DAB1: variants seen among roughly 807,000 people sequenced by gnomAD.
The protein encoded by DAB1 is disabled homolog 1.
A neutral mutation model predicts 64.6 loss-of-function variants in DAB1; 15 were observed. The ratio of observed to expected loss-of-function variants is 0.23; its 90% confidence interval spans 0.16 to 0.36. The LOEUF (loss-of-function observed/expected upper bound fraction) is 0.36. Among genes scored for constraint, DAB1 ranks in the 10% least tolerant of loss-of-function variants. The probability of loss-of-function intolerance (pLI) is 1.00; values close to 1 mark genes in which losing one functional copy is unlikely to be tolerated. For synonymous variants in DAB1, 235 were observed against 251.9 expected, an observed-to-expected ratio of 0.93 and a Z score of 0.64; for missense variants, 596 against 706.7, an observed-to-expected ratio of 0.84 and a Z score of 1.78.
intron 6 of DAB1, among the ~76,000 whole-genome samples, chr1:57,806,325 T>C (rs1219104896): frequency 6.6e-6 from 1 of 152,110 alleles, no homozygotes; most frequent in Non-Finnish European, 1.5e-5. Flanking sequence ...ATTACAGAGG[T>C]AATCAAGTTA....
intron 4 of DAB1, among the ~76,000 whole-genome samples, chr1:58,332,084 T>A (rs781183094): frequency 2.6e-5 from 4 of 152,222 alleles, no homozygotes; most frequent in Non-Finnish European, 5.9e-5. Flanking sequence ...GACTCCTGCA[T>A]CACCCTTCCT....
intron 1 of DAB1, among the ~76,000 whole-genome samples, chr1:57,321,709 T>G (rs988963880): frequency 2.0e-5 from 3 of 152,120 alleles, no homozygotes; most frequent in Non-Finnish European, 4.4e-5. Context: ...ATGGGAGTAA[T>G]AGCTCTCACT....
chr1:57,990,421 C>T (rs1646315375), intron 5 of DAB1, among the ~76,000 whole-genome samples: 1 of 152,206 alleles, frequency 6.6e-6, no homozygotes, highest in African/African-American at 2.4e-5. Flanking sequence ...TACCAACATC[C>T]ATTTGTTAGT....
At chr1:58,314,390 T>G (rs1662505754) in intron 4 of DAB1, among the ~76,000 whole-genome samples, 1 of 152,190 alleles carries the variant, frequency 6.6e-6, no homozygotes, top group Non-Finnish European at 1.5e-5. Context: ...TGCATCTGGC[T>G]TTAGGTACTG....
intron 6 of DAB1, among the ~76,000 whole-genome samples, chr1:57,808,081 G>T (rs1186072459): frequency 6.6e-6 from 1 of 152,062 alleles, no homozygotes; most frequent in African/African-American, 2.4e-5. Flanking sequence ...TCAACTATGT[G>T]GTGACCAGTG....
chr1:57,597,308 A>G (rs1378168981), intron 7 of DAB1, among the ~76,000 whole-genome samples: 4 of 152,218 alleles, frequency 2.6e-5, no homozygotes, highest in African/African-American at 9.6e-5. Flanking sequence ...AATCTCTTGC[A>G]GAAAAATGGG....
rs1645675881 is a variant in DAB1, at chr1:56,997,563, G to A, written c.*581C>T. The stretch of plus-strand genomic sequence containing the variant: ...TGTACACCTATTAATTTTCAAACAT[G>A]ACAAAAAAAGGAAAGGGGGGAAAAT... On this transcript the variant is annotated 3_prime_UTR_variant, in exon 15 of 15. Transcript: ENST00000371236. 1 of 151,866 alleles carries A rather than the reference G, an allele frequency of 6.6e-6. No homozygotes were observed. The highest frequency in any genetic ancestry group is 1.5e-5 in the Non-Finnish European group (1 of 67,956). 9.4% of individuals were successfully genotyped at this position (151,866 alleles called of 1,614,324 possible). A position where few individuals can be genotyped will look rare whatever the true frequency, so the allele number is the denominator to read the frequency against.
chr1:57,795,702 T>G (rs1488937816), intron 6 of DAB1, among the ~76,000 whole-genome samples: 5 of 85,862 alleles, frequency 5.8e-5, no homozygotes, highest in African/African-American at 5.5e-5. Flanking sequence ...TATATATATA[T>G]ATATATATAT....
chr1:58,228,543 G>T (rs1004811626), intron 4 of DAB1: 2 of 403,198 alleles, frequency 5.0e-6, no homozygotes, highest in Non-Finnish European at 9.5e-6. Context: ...GTCCATTATC[G>T]TGTGTGGATA....
chr1:57,569,261 A>AAAAAAAAAAAAC (rs1645164262), intron 7 of DAB1, among the ~76,000 whole-genome samples: 3 of 148,988 alleles, frequency 2.0e-5, no homozygotes, highest in African/African-American at 7.4e-5. Flanking sequence ...CGTCTCAAAA[A>AAAAAAAAAAAAC]AAAAAAAAAA....
chr1:58,120,825 G>C (rs1652691584), intron 5 of DAB1, among the ~76,000 whole-genome samples: 2 of 152,136 alleles, frequency 1.3e-5, no homozygotes, highest in African/African-American at 4.8e-5. Flanking sequence ...AATGGAAGAG[G>C]GTACTTTTCA....
rs560911114 is a variant in DAB1, at chr1:57,214,927, A to G, written c.68-69498T>C. Among the ~76,000 whole-genome samples the G allele has an allele frequency of 2.9e-4, 43 of 148,736 alleles. 1 individual carries two copies. Among genetic ancestry groups the G allele is most frequent in the South Asian group, 1.1e-3 (5 of 4,750 alleles). ...TTCCCTCTCAAAAAAAAAAAAAAAA[A>G]AAAGAAAGAAAAAAGGCAAGAAAAA... On this transcript the variant is annotated intron_variant, in intron 2 of 14. Coordinates refer to ENST00000371236, the MANE Select transcript of DAB1 (RefSeq NM_001365792.1).
intron 5 of DAB1, among the ~76,000 whole-genome samples, chr1:58,089,955 A>C (rs1231361181): frequency 6.6e-6 from 1 of 152,222 alleles, no homozygotes; most frequent in East Asian, 1.9e-4. Context: ...TGGAGAAACA[A>C]TTACCTAGAC....
At chr1:57,150,509 T>C (rs1382049721) in intron 2 of DAB1, among the ~76,000 whole-genome samples, 2 of 152,192 alleles carry the variant, frequency 1.3e-5, no homozygotes, top group Non-Finnish European at 2.9e-5. Flanking sequence ...GCAAAAAGTG[T>C]CCTTTCTCCT....
At chr1:57,022,819 C>T (rs1167412654) in intron 11 of DAB1, among the ~76,000 whole-genome samples, 3 of 152,258 alleles carry the variant, frequency 2.0e-5, no homozygotes, top group Non-Finnish European at 2.9e-5. Context: ...CAGAACTAAA[C>T]TACCTTTGGC....
intron 5 of DAB1, among the ~76,000 whole-genome samples, chr1:58,016,814 T>C (rs1646746972): frequency 6.6e-6 from 1 of 152,156 alleles, no homozygotes; most frequent in Non-Finnish European, 1.5e-5. Flanking sequence ...CAATGAACAA[T>C]GCAGATGCAG....
At chr1:57,166,320 G>C (rs943087475) in intron 2 of DAB1, among the ~76,000 whole-genome samples, 1 of 152,116 alleles carries the variant, frequency 6.6e-6, no homozygotes, top group Non-Finnish European at 1.5e-5. Flanking sequence ...ACTAGACCAT[G>C]TCTTGCAAAG....
intron 7 of DAB1, among the ~76,000 whole-genome samples, chr1:57,558,285 C>T (rs1001290983): frequency 1.3e-5 from 2 of 152,140 alleles, no homozygotes; most frequent in African/African-American, 2.4e-5. Context: ...CCTGTGTTGC[C>T]TGAGGCAACA....
intron 4 of DAB1, among the ~76,000 whole-genome samples, chr1:58,260,436 T>C (rs1661024078): frequency 6.6e-6 from 1 of 152,152 alleles, no homozygotes; most frequent in Non-Finnish European, 1.5e-5. Flanking sequence ...CTATCACCTC[T>C]TCTCCCAGCC....
Sources: gnomAD v4.1 joint callset for allele counts (sites outside exome capture counted in the v4.1 genomes callset) on GRCh38, gnomAD v4.1.1 for gene constraint, MANE v1.5 for transcripts, NCBI Gene and HGNC (gene_info 2026-07-23, HGNC 2026-07-21) for gene names.